Variants in CHN2 observed in about 807,000 individuals in gnomAD.
CHN2 encodes chimerin 2.
Under a neutral mutation model 56.3 loss-of-function variants are expected in CHN2, and 35 were observed. The observed-to-expected ratio is 0.62, with a 90% CI of 0.47 to 0.82. The LOEUF is 0.82. CHN2 is among the 40% of genes least tolerant of loss of function. CHN2 has a pLI of 0.00. For missense variants in CHN2, 491 were observed against 580.5 expected (o/e 0.85, Z 1.58); for synonymous variants, 210 against 212.8 (o/e 0.99, Z 0.12).
At chr7:29,505,154 T>C (rs1446477264) in intron 10 of CHN2, among the ~76,000 whole-genome samples, 1 of 152,162 alleles carries the variant, frequency 6.6e-6, no homozygotes, top group African/African-American at 2.4e-5. Context: ...CCAGCACTAA[T>C]GTAGGGGAAG....
intron 1 of CHN2, among the ~76,000 whole-genome samples, chr7:29,250,205 T>C (rs781462493): frequency 6.6e-6 from 1 of 152,252 alleles, no homozygotes; most frequent in Non-Finnish European, 1.5e-5. Flanking sequence ...TTTGTAGCTT[T>C]TACAGCACCA....
At position 29,172,884 on chromosome 7, in the gene CHN2, G is replaced by A. The variant is rs536854677; in HGVS notation, c.274+25924G>A. On this transcript the variant is annotated intron_variant, in intron 2 of 6. Coordinates refer to the CHN2 transcript ENST00000439384. ...AGGCCGAGTGTGGTAGCTCACCAGC[G>A]TTTTGGGAGGCCGAGGTGGGTGGAT... Among the ~76,000 whole-genome samples the A allele has an allele frequency of 1.0e-3, 158 of 152,016 alleles. 5 individuals are homozygous for A. The highest frequency in any genetic ancestry group is 2.6e-4 in the Non-Finnish European group (18 of 67,982).
chr7:29,266,393 A>G (rs948308711), intron 1 of CHN2, among the ~76,000 whole-genome samples: 7 of 152,220 alleles, frequency 4.6e-5, no homozygotes, highest in African/African-American at 1.7e-4. Flanking sequence ...TATATTTCCT[A>G]AACCACAGAC....
At chr7:29,345,159 T>C (rs1055537893) in intron 1 of CHN2, among the ~76,000 whole-genome samples, 1 of 152,192 alleles carries the variant, frequency 6.6e-6, no homozygotes, top group African/African-American at 2.4e-5. Flanking sequence ...ACACAGGTGC[T>C]GTCTAATTGC....
chr7:29,212,459 T>C lies in CHN2; in HGVS notation c.49+17469T>C. 1.9e-6 allele frequency: 3 copies of C among 1,598,166 alleles called. No homozygotes were observed. The East Asian group carries it at 6.7e-5, about 36-fold the overall frequency. Reference sequence around the variant, plus strand: ...TGCCTCACACGGAGACTGTCTCTCCTCTTCTTCCTCCATGGATCTGCTTAT... The same window carrying C: ...TGCCTCACACGGAGACTGTCTCTCCCCTTCTTCCTCCATGGATCTGCTTAT... On this transcript the variant is annotated intron_variant, in intron 1 of 12. Transcript: ENST00000222792.
intron 1 of CHN2, among the ~76,000 whole-genome samples, chr7:29,343,362 T>C (rs1458761948): frequency 1.3e-5 from 2 of 152,178 alleles, no homozygotes; most frequent in Non-Finnish European, 2.9e-5. Flanking sequence ...GATAACCAAA[T>C]TGAAGCTCCT....
chr7:29,443,863 G>A (rs988490363), intron 6 of CHN2, among the ~76,000 whole-genome samples: 3 of 152,112 alleles, frequency 2.0e-5, no homozygotes, highest in African/African-American at 7.2e-5. Context: ...CCCAAAGCAG[G>A]TCATATGGTC....
chr7:29,426,239 C>T (rs562181260), intron 6 of CHN2, among the ~76,000 whole-genome samples: 13 of 145,906 alleles, frequency 8.9e-5, no homozygotes, highest in African/African-American at 3.3e-4. Context: ...GAGTGGACTG[C>T]AAGAGAGGTT....
rs1322565967 is a variant in CHN2 at position 29,344,724 on chromosome 7, C to A, written c.50-9901C>A. Among the ~76,000 whole-genome samples, 3 of 152,086 alleles carry A rather than the reference C, an allele frequency of 2.0e-5. No individual in the cohort carries two copies. The East Asian group carries it at 5.8e-4, about 29-fold the overall frequency. ...CTCTTTGTCTTTGGGGACTTTAGGC[C>A]TTGCTCTTAGGTTTCACTCCTCTGA... On this transcript the variant is annotated intron_variant, in intron 1 of 12. Coordinates refer to ENST00000222792, the MANE Select transcript of CHN2 (RefSeq NM_004067.4).
intron 3 of CHN2, among the ~76,000 whole-genome samples, chr7:29,387,256 C>T (rs900299324): frequency 6.6e-6 from 1 of 152,118 alleles, no homozygotes; most frequent in Non-Finnish European, 1.5e-5. Flanking sequence ...GTGAAACAGC[C>T]TTATTAAAAT....
Position 29,472,281 on chromosome 7 carries a change from A to ACACG in CHN2, c.577-7995_577-7994insGCAC, listed in dbSNP as rs1554298696. 2.8e-5 allele frequency among the ~76,000 whole-genome samples: 4 copies of ACACG among 143,622 alleles called. No homozygotes were observed. The East Asian group carries it at 6.4e-4, about 23-fold the overall frequency. 94.2% of individuals were successfully genotyped at this position (143,622 alleles called of 152,430 possible). On this transcript the variant is annotated intron_variant, in intron 6 of 12. Coordinates refer to ENST00000222792, the MANE Select transcript of CHN2 (RefSeq NM_004067.4). The stretch of plus-strand genomic sequence containing the variant: ...GCTTTTCAAAACAAAATACACACAC[A>ACACG]CACACACACACACACACGCACACAC...
intron 9 of CHN2, 148 bp from the exon 10 acceptor site, chr7:29,504,596 T>G: frequency 1.7e-6 from 1 of 583,672 alleles, no homozygotes; most frequent in Non-Finnish European, 3.0e-6. Context: ...CAAGTCCAAG[T>G]TCTGATGCAA....
At chr7:29,291,729 C>A (rs1310453507) in intron 1 of CHN2, among the ~76,000 whole-genome samples, 1 of 152,036 alleles carries the variant, frequency 6.6e-6, no homozygotes, top group Admixed American at 6.6e-5. Flanking sequence ...TTTGCACATC[C>A]TTAATGTTTT....
At chr7:29,412,320 CTTTTTTTTTTTTTTT>C (rs1158746299) in intron 6 of CHN2, among the ~76,000 whole-genome samples, 2 of 69,510 alleles carry the variant, frequency 2.9e-5, no homozygotes, top group Non-Finnish European at 5.3e-5. Context: ...GCTAAAGAGT[CTTTTTTTTTTTTTTT>C]TTTTTTTTTT....
chr7:29,146,709 A>G (rs1792743291), exon 1 of CHN2: 1 of 1,550,516 alleles, frequency 6.4e-7, no homozygotes, highest in African/African-American at 1.4e-5. Context: ...GTGGAATCTT[A>G]AAAATTAATG....
At chr7:29,229,788 G>A (rs1307532610) in intron 1 of CHN2, among the ~76,000 whole-genome samples, 1 of 152,062 alleles carries the variant, frequency 6.6e-6, no homozygotes, top group Non-Finnish European at 1.5e-5. Flanking sequence ...GACCAGCCTG[G>A]GCAACATGGG....
At chr7:29,374,807 TC>T (rs1799902645) in intron 3 of CHN2, among the ~76,000 whole-genome samples, 1 of 133,616 alleles carries the variant, frequency 7.5e-6, no homozygotes, top group African/African-American at 3.5e-5. Flanking sequence ...TTTATTTCCT[TC>T]CTTCCTTCCT....
At chr7:29,430,211 G>GT (rs1318455301) in intron 6 of CHN2, among the ~76,000 whole-genome samples, 1 of 152,176 alleles carries the variant, frequency 6.6e-6, no homozygotes, top group Non-Finnish European at 1.5e-5. Context: ...TTCAGGATGC[G>GT]TTGGAGCTGA....
intron 2 of CHN2, among the ~76,000 whole-genome samples, chr7:29,180,498 C>T (rs1797931164): frequency 2.0e-5 from 3 of 151,002 alleles, no homozygotes; most frequent in East Asian, 1.9e-4. Context: ...CTGCACTGGG[C>T]GACAGAGCGA....
Sources: gnomAD v4.1 joint callset for allele counts (sites outside exome capture counted in the v4.1 genomes callset) on GRCh38, gnomAD v4.1.1 for gene constraint, MANE v1.5 for transcripts, NCBI Gene and HGNC (gene_info 2026-07-23, HGNC 2026-07-21) for gene names.